PGM3: variants seen among roughly 807,000 people sequenced by gnomAD.
The protein encoded by PGM3 is phosphoacetylglucosamine mutase.
A neutral mutation model predicts 66.2 loss-of-function variants in PGM3; 40 were observed. That is an observed-to-expected ratio of 0.60 (90% CI 0.47 to 0.79). The LOEUF is 0.79. Ranked by LOEUF, PGM3 falls within the 30% of genes least tolerant of loss-of-function variation. The pLI is 0.00. For synonymous variants in PGM3, 191 were observed against 224.2 expected (o/e 0.85, Z 1.32); for missense variants, 537 against 643.4 (o/e 0.83, Z 1.79).
chr6:83,153,396 T>C, the PGM3 span: 1 of 573,026 alleles, frequency 1.7e-6, no homozygotes, highest in Non-Finnish European at 2.9e-6. Flanking sequence ...AAGATTTAAT[T>C]TTAGATTTTT....
At chr6:83,152,386 C>T in the PGM3 span, 2 of 1,205,752 alleles carry the variant, frequency 1.7e-6, no homozygotes, top group South Asian at 1.8e-5. Flanking sequence ...TAAGCTTTTT[C>T]ACATGAACTC....
rs765369533 is a variant in PGM3, at chr6:83,166,969, C to T, written c.*2265G>A. The T allele has an allele frequency of 4.7e-5, 46 of 985,952 alleles. No individual in the cohort carries two copies. Among genetic ancestry groups the T allele is most frequent in the Non-Finnish European group, 5.3e-5 (44 of 830,472 alleles). The allele number at this position is 985,952 out of a possible 1,614,324, so 61.1% of individuals were successfully genotyped here. Reference sequence around the variant, plus strand: ...TTAGTGTGGAATTGTATCTGTGATTCTGCCCAAGTTCAACCAACCTGTTCT... The same window carrying T: ...TTAGTGTGGAATTGTATCTGTGATTTTGCCCAAGTTCAACCAACCTGTTCT... On this transcript the variant is annotated 3_prime_UTR_variant, in exon 13 of 13. Transcript: ENST00000513973.
Position 83,178,774 on chromosome 6 carries a change from TACTTA to T in PGM3, c.946-23_946-19del, listed in dbSNP as rs1386304008. On this transcript the variant is annotated intron_variant, in intron 7 of 12. Transcript: ENST00000513973. The stretch of plus-strand genomic sequence containing the variant: ...TCTCCAATCTAGACAAAAACAATGA[TACTTA>T]ACTTGCCATCAAAAGTATGGTCTAC... The T allele has an allele frequency of 4.4e-6, 6 of 1,350,202 alleles. No individual in the cohort carries two copies. Among genetic ancestry groups the T allele is most frequent in the Admixed American group, 3.4e-5 (2 of 59,552 alleles). The allele number at this position is 1,350,202 out of a possible 1,614,324, so 83.6% of individuals were successfully genotyped here.
At position 83,169,217 on chromosome 6, in the gene PGM3, G is replaced by T. The variant is rs1401516813; in HGVS notation, c.*17C>A. The T allele has an allele frequency of 6.2e-7, 1 of 1,613,608 alleles. No homozygotes were observed. The highest frequency in any genetic ancestry group is 8.5e-7 in the Non-Finnish European group (1 of 1,179,772). On this transcript the variant is annotated 3_prime_UTR_variant, in exon 13 of 13. Transcript: ENST00000513973. ...ACTTGTAAAAAGTCCAGTTTCTCAGGAATATGAAAATTATCTTCAGAAACC... is the reference window on the plus strand; with the variant it reads ...ACTTGTAAAAAGTCCAGTTTCTCAGTAATATGAAAATTATCTTCAGAAACC...
chr6:83,174,311 G>A, intron 10 of PGM3, 63 bp downstream of exon 10: 3 of 885,450 alleles, frequency 3.4e-6, no homozygotes. Context: ...CCCACACTCT[G>A]TTCTGTCCAT....
the PGM3 span, among the ~76,000 whole-genome samples, chr6:83,155,444 A>C: frequency 1.3e-5 from 2 of 152,156 alleles, no homozygotes; most frequent in Non-Finnish European, 2.9e-5. Context: ...ACTGGGTGAC[A>C]GAGGAAGATA....
downstream of PGM3, chr6:83,159,891 A>C (rs373490487): frequency 5.1e-5 from 82 of 1,613,976 alleles, no homozygotes; most frequent in Non-Finnish European, 6.6e-5. Flanking sequence ...TTAAACCTCT[A>C]TCTCTCTGCT....
chr6:83,175,883 T>C, intron 9 of PGM3, 79 bp downstream of exon 9: 2 of 746,336 alleles, frequency 2.7e-6, no homozygotes, highest in Non-Finnish European at 4.9e-6. Flanking sequence ...CAATATTACC[T>C]ATTATTACCT....
chr6:83,172,846 T>C (rs538442891), intron 10 of PGM3, among the ~76,000 whole-genome samples: 4 of 151,814 alleles, frequency 2.6e-5, no homozygotes, highest in South Asian at 4.1e-4. Context: ...AAAAAAATGA[T>C]TGATTGCTTA....
chr6:83,190,731 T>G lies in PGM3; in HGVS notation c.204+78A>C, dbSNP rs951114805. ...ACATTCCTAGAATTAGAATTTGTAC[T>G]TTAGGTCAATTTGCTCAGACACTAA... On this transcript the variant is annotated intron_variant, in intron 2 of 12. Transcript: ENST00000513973. 3 of 1,124,040 alleles carry G rather than the reference T, an allele frequency of 2.7e-6. No homozygotes were observed. In the African/African-American group the frequency reaches 4.6e-5, roughly 17 times the overall value. 69.6% of individuals were successfully genotyped at this position (1,124,040 alleles called of 1,614,324 possible).
intron 5 of PGM3, 127 bp from the exon 6 acceptor site, chr6:83,182,058 CAATTAT>C: frequency 1.9e-6 from 1 of 533,334 alleles, no homozygotes; most frequent in Non-Finnish European, 3.1e-6. Context: ...TAAATTTTAT[CAATTAT>C]AATTGTGTTC....
chr6:83,187,014 A>G lies in PGM3; in HGVS notation c.451T>C (p.Phe151Leu). Residue 151 changes from phenylalanine (F) to leucine (L), a missense_variant, in exon 4 of 13, where the codon TTC (phenylalanine) becomes CTC (leucine). Transcript: ENST00000513973. ...ACTCAGGATAACTACATACCATGGA[A>G]TTGACCTCCTAGAACAGTCACACCA... ...IDGVTVLGGQ[F>L]HDYGLLTTPQ... The G allele has an allele frequency of 6.4e-7, 1 of 1,565,090 alleles. No individual in the cohort carries two copies. The highest frequency in any genetic ancestry group is 8.8e-7 in the Non-Finnish European group (1 of 1,138,160).
the PGM3 span, among the ~76,000 whole-genome samples, chr6:83,150,117 G>A: frequency 6.6e-6 from 1 of 152,304 alleles, no homozygotes; most frequent in Non-Finnish European, 1.5e-5. Flanking sequence ...GCTCATGCCT[G>A]CAATCCCAGC....
downstream of PGM3, among the ~76,000 whole-genome samples, chr6:83,163,149 A>G (rs919489297): frequency 6.6e-6 from 1 of 152,134 alleles, no homozygotes; most frequent in African/African-American, 2.4e-5. Context: ...TTAAAGAAGA[A>G]AAAGGAAGGC....
Position 83,181,743 on chromosome 6 carries a change from A to T in PGM3, c.780T>A (p.Pro260=), listed in dbSNP as rs755347008. 19 of 1,609,056 alleles carry T rather than the reference A, an allele frequency of 1.2e-5. No individual in the cohort carries two copies. In the South Asian group the frequency reaches 2.1e-4, roughly 18 times the overall value. Residue 260 remains proline, a synonymous_variant, in exon 6 of 13, where the codon CCT becomes CCA. Coordinates refer to ENST00000513973, the MANE Select transcript of PGM3 (RefSeq NM_015599.3). ...GADFVKSHQK[P]PQGMEIKSNE... ...AGTGCTAGTACGACATACCCTGTGG[A>T]GGTTTCTGATGACTTTTCACAAAGT...
downstream of PGM3, among the ~76,000 whole-genome samples, chr6:83,160,630 T>C (rs1422116566): frequency 6.6e-6 from 1 of 152,128 alleles, no homozygotes; most frequent in Admixed American, 6.5e-5. Flanking sequence ...TGATAATGAA[T>C]TGAACTGAAA....
At chr6:83,155,298 C>CAAA in the PGM3 span, among the ~76,000 whole-genome samples, 1 of 57,782 alleles carries the variant, frequency 1.7e-5, no homozygotes. Context: ...CCCAGCTCTA[C>CAAA]AAAAAAAAAA....
the PGM3 span, among the ~76,000 whole-genome samples, chr6:83,155,691 A>G: frequency 6.6e-6 from 1 of 152,186 alleles, no homozygotes; most frequent in African/African-American, 2.4e-5. Context: ...GGTTTTATAT[A>G]AATGGTATTA....
chr6:83,170,323 A>C lies in PGM3; in HGVS notation c.1521T>G (p.Tyr507Ter). The change falls in exon 12 of 13, where the codon TAT (tyrosine) becomes TAG (stop). Residue 507 changes from tyrosine (Y) to a stop codon, truncating the protein, a stop_gained. Coordinates refer to ENST00000513973, the MANE Select transcript of PGM3 (RefSeq NM_015599.3). LOFTEE classifies it high-confidence loss of function. ...AGCTTACTTGTGAGTCTGCTTCTGC[A>C]TATACTCGGACGACATCTTCTGTAC... ...PSGTEDVVRVYAEADSQESAD... is the reference protein window; with the variant it reads ...PSGTEDVVRV 1 of 1,614,186 alleles carries C rather than the reference A, an allele frequency of 6.2e-7. No homozygotes were observed. The highest frequency in any genetic ancestry group is 8.5e-7 in the Non-Finnish European group (1 of 1,180,018).
Sources: gnomAD v4.1 joint callset for allele counts (sites outside exome capture counted in the v4.1 genomes callset) on GRCh38, gnomAD v4.1.1 for gene constraint, MANE v1.5 for transcripts, NCBI Gene and HGNC (gene_info 2026-07-23, HGNC 2026-07-21) for gene names.